Variants in GNG2 observed in about 807,000 individuals in gnomAD.
GNG2 encodes the protein G protein subunit gamma 2.
A neutral mutation model predicts 5.5 loss-of-function variants in GNG2; 5 were observed. The observed-to-expected ratio is 0.91, with a 90% CI of 0.48 to 1.92. GNG2 has a LOEUF of 1.92. Ranked by LOEUF, GNG2 falls within the 30% of genes most tolerant of loss-of-function variation. The pLI, the probability that GNG2 is intolerant of heterozygous loss-of-function variation, is 0.01. For synonymous variants in GNG2, 28 were observed against 32.0 expected (o/e 0.88, Z 0.42); for missense variants, 55 against 88.4 (o/e 0.62, Z 1.52).
At chr14:51,939,476 T>C (rs966717529) in intron 2 of GNG2, among the ~76,000 whole-genome samples, 4 of 152,212 alleles carry the variant, frequency 2.6e-5, no homozygotes, top group Non-Finnish European at 5.9e-5. Flanking sequence ...TCATTTCAAA[T>C]GATGGCTTCT....
chr14:51,913,748 A>T (rs935143109), intron 2 of GNG2, among the ~76,000 whole-genome samples: 1 of 152,192 alleles, frequency 6.6e-6, no homozygotes, highest in African/African-American at 2.4e-5. Context: ...ACTGCTGTAA[A>T]ACTAGAAGTT....
intron 2 of GNG2, among the ~76,000 whole-genome samples, chr14:51,933,909 A>AG (rs1286960356): frequency 2.0e-5 from 3 of 152,236 alleles, no homozygotes; most frequent in Admixed American, 1.3e-4. Flanking sequence ...AATCATGAGA[A>AG]GGTGACTCAG....
chr14:51,950,555 A>G, intron 2 of GNG2, 95 bp from the exon 3 acceptor site: 1 of 736,210 alleles, frequency 1.4e-6, no homozygotes, highest in Non-Finnish European at 2.3e-6. Context: ...GCCTGGCTAC[A>G]GCCACTGCTT....
At chr14:51,845,929 G>A (rs891143670) in intron 2 of GNG2, among the ~76,000 whole-genome samples, 2 of 152,050 alleles carry the variant, frequency 1.3e-5, no homozygotes, top group South Asian at 2.1e-4. Flanking sequence ...GTAGTCCCCC[G>A]GGCACAGAGT....
chr14:51,844,209 C>G (rs541161190), intron 2 of GNG2, among the ~76,000 whole-genome samples: 1 of 152,220 alleles, frequency 6.6e-6, no homozygotes, highest in Admixed American at 6.5e-5. Context: ...GTCACTGGCT[C>G]TCCTTTCCCT....
chr14:51,963,644 A>G (rs768891637), intron 3 of GNG2, among the ~76,000 whole-genome samples: 2 of 152,192 alleles, frequency 1.3e-5, no homozygotes, highest in Admixed American at 6.5e-5. Context: ...CAAAGCCCAC[A>G]TTTGAGTAGT....
At chr14:51,841,422 C>A in intron 2 of GNG2, 1 of 599,416 alleles carries the variant, frequency 1.7e-6, no homozygotes, top group Non-Finnish European at 3.0e-6. Context: ...AACAAAAAGC[C>A]TGGCACTGTT....
intron 2 of GNG2, among the ~76,000 whole-genome samples, chr14:51,938,514 T>A (rs978388975): frequency 2.0e-5 from 3 of 152,232 alleles, no homozygotes; most frequent in African/African-American, 7.2e-5. Context: ...ATCCCCACTT[T>A]AAGGCTGAGC....
At chr14:51,852,020 A>G (rs1881929573) in intron 2 of GNG2, among the ~76,000 whole-genome samples, 1 of 131,802 alleles carries the variant, frequency 7.6e-6, no homozygotes, top group Non-Finnish European at 1.6e-5. Flanking sequence ...TCTACTTTCT[A>G]GATGTAAAAA....
chr14:51,846,234 T>C (rs1343123675), intron 2 of GNG2, among the ~76,000 whole-genome samples: 2 of 152,222 alleles, frequency 1.3e-5, no homozygotes, highest in Non-Finnish European at 1.5e-5. Flanking sequence ...TCAACCATTT[T>C]AGTTTTTGTA....
At chr14:51,836,325 G>A (rs1029016537) in intron 2 of GNG2, among the ~76,000 whole-genome samples, 1 of 152,084 alleles carries the variant, frequency 6.6e-6, no homozygotes, top group Non-Finnish European at 1.5e-5. Context: ...AGCTAGGGTA[G>A]TAGTCATGCA....
At chr14:51,899,529 G>A (rs1885414971) in intron 2 of GNG2, among the ~76,000 whole-genome samples, 1 of 152,178 alleles carries the variant, frequency 6.6e-6, no homozygotes. Flanking sequence ...TCACATTGTT[G>A]TTCAACCATG....
At chr14:51,872,785 C>T (rs921615532) in intron 1 of GNG2, among the ~76,000 whole-genome samples, 4 of 152,214 alleles carry the variant, frequency 2.6e-5, no homozygotes, top group African/African-American at 9.6e-5. Context: ...GTGCACTGTT[C>T]TCCAAATGTC....
intron 3 of GNG2, chr14:51,951,924 AGCTCATCT>A: frequency 1.4e-6 from 1 of 701,944 alleles, no homozygotes; most frequent in South Asian, 1.5e-5. Flanking sequence ...GATGGTTCTC[AGCTCATCT>A]GTGCGTTCCC....
chr14:51,863,283 C>T (rs1882648188), intron 1 of GNG2, among the ~76,000 whole-genome samples: 1 of 152,322 alleles, frequency 6.6e-6, no homozygotes, highest in African/African-American at 2.4e-5. Flanking sequence ...GTTCTTACTA[C>T]TTACCTTGGT....
intron 2 of GNG2, among the ~76,000 whole-genome samples, chr14:51,852,254 A>T (rs1159451814): frequency 1.3e-5 from 2 of 152,186 alleles, no homozygotes; most frequent in African/African-American, 4.8e-5. Flanking sequence ...ACATTTTAAA[A>T]ATTAAAAAGA....
chr14:51,941,833 T>C (rs113197591), intron 2 of GNG2, among the ~76,000 whole-genome samples: 3 of 152,336 alleles, frequency 2.0e-5, no homozygotes, highest in Middle Eastern at 3.4e-3. Flanking sequence ...TCATGTTTCT[T>C]GTTGGTTGGG....
intron 2 of GNG2, among the ~76,000 whole-genome samples, chr14:51,919,866 C>T (rs1285421069): frequency 6.6e-6 from 1 of 152,146 alleles, no homozygotes; most frequent in African/African-American, 2.4e-5. Context: ...TGTTTATGTA[C>T]CAGATTCTAG....
At chr14:51,942,510 A>G (rs981372090) in intron 2 of GNG2, among the ~76,000 whole-genome samples, 5 of 150,364 alleles carry the variant, frequency 3.3e-5, no homozygotes, top group African/African-American at 4.9e-5. Context: ...CCAGTATGGG[A>G]CCTTGAGAAA....
Sources: gnomAD v4.1 joint callset for allele counts (sites outside exome capture counted in the v4.1 genomes callset) on GRCh38, gnomAD v4.1.1 for gene constraint, MANE v1.5 for transcripts, NCBI Gene and HGNC (gene_info 2026-07-23, HGNC 2026-07-21) for gene names.